ROBO2: variants seen among roughly 807,000 people sequenced by gnomAD.
ROBO2 encodes roundabout homolog 2.
In ROBO2, 53 loss-of-function variants were observed where a neutral mutation model predicts 160.8. That is an observed-to-expected ratio of 0.33 (90% CI 0.26 to 0.41). The LOEUF (loss-of-function observed/expected upper bound fraction) is 0.41. Ranked by LOEUF, ROBO2 falls within the 10% of genes least tolerant of loss-of-function variation. ROBO2 has a pLI of 1.00. For synonymous variants in ROBO2, 664 were observed against 611.7 expected, an observed-to-expected ratio of 1.09 and a Z score of -1.26; for missense variants, 1,577 against 1,722.4, an observed-to-expected ratio of 0.92 and a Z score of 1.49.
chr3:77,637,771 T>C (rs1007137791), intron 24 of ROBO2, among the ~76,000 whole-genome samples: 2 of 152,180 alleles, frequency 1.3e-5, no homozygotes, highest in African/African-American at 2.4e-5. Context: ...ATTCAGAATA[T>C]GTGGAAGATA....
At chr3:76,245,300 T>C (rs892550475) in intron 2 of ROBO2, among the ~76,000 whole-genome samples, 2 of 152,202 alleles carry the variant, frequency 1.3e-5, no homozygotes, top group African/African-American at 4.8e-5. Context: ...CCAATACCTA[T>C]TTTAGTCACT....
chr3:76,852,405 A>G (rs2069500885), intron 2 of ROBO2, among the ~76,000 whole-genome samples: 1 of 152,308 alleles, frequency 6.6e-6, no homozygotes, highest in African/African-American at 2.4e-5. Flanking sequence ...CCTTTTAATA[A>G]CAGAGGCTCT....
chr3:77,123,232 C>T (rs1354029075), intron 2 of ROBO2, among the ~76,000 whole-genome samples: 2 of 151,964 alleles, frequency 1.3e-5, no homozygotes, highest in Non-Finnish European at 2.9e-5. Flanking sequence ...TAGTTCTATG[C>T]CATATTATAC....
At chr3:76,294,589 T>G (rs1162271237) in intron 2 of ROBO2, among the ~76,000 whole-genome samples, 1 of 152,188 alleles carries the variant, frequency 6.6e-6, no homozygotes, top group African/African-American at 2.4e-5. Context: ...GCCAATATAT[T>G]CCAAGTGCTG....
chr3:76,037,358 A>G (rs1430309540), intron 2 of ROBO2, among the ~76,000 whole-genome samples: 1 of 150,972 alleles, frequency 6.6e-6, no homozygotes, highest in Non-Finnish European at 1.5e-5. Context: ...CCTGGCTTCA[A>G]GCGATTCTGC....
chr3:76,227,524 T>C (rs1704362810), intron 2 of ROBO2, among the ~76,000 whole-genome samples: 1 of 152,238 alleles, frequency 6.6e-6, no homozygotes. Flanking sequence ...TCTGTGATGA[T>C]GCTTAGCATC....
chr3:76,616,401 C>T (rs2088587449), intron 2 of ROBO2, among the ~76,000 whole-genome samples: 1 of 152,156 alleles, frequency 6.6e-6, no homozygotes, highest in African/African-American at 2.4e-5. Context: ...TCAGTTCTGT[C>T]CAACAGGTAG....
At chr3:77,532,425 C>T (rs1036531774) in intron 6 of ROBO2, among the ~76,000 whole-genome samples, 4 of 151,956 alleles carry the variant, frequency 2.6e-5, no homozygotes, top group South Asian at 2.1e-4. Context: ...ATTTCTAGGA[C>T]GCAACAAGCC....
intron 2 of ROBO2, among the ~76,000 whole-genome samples, chr3:76,970,532 G>A (rs949521374): frequency 2.4e-4 from 37 of 152,062 alleles, no homozygotes; most frequent in African/African-American, 8.0e-4. Context: ...AGCATTTGCC[G>A]GCTTCCATTT....
intron 2 of ROBO2, among the ~76,000 whole-genome samples, chr3:77,006,305 TTGTGTGTGTGTGTGTGTGTG>T (rs60754546): frequency 2.1e-5 from 3 of 143,876 alleles, no homozygotes; most frequent in Admixed American, 7.0e-5. Context: ...ATTTTAATAT[TTGTGTGTGTGTGTGTGTGTG>T]TGTGTGTGTG....
intron 2 of ROBO2, among the ~76,000 whole-genome samples, chr3:76,585,105 G>A (rs1302764172): frequency 1.3e-5 from 2 of 152,150 alleles, no homozygotes; most frequent in African/African-American, 2.4e-5. Flanking sequence ...TGCCTATTAT[G>A]TGCCAGGCGT....
intron 2 of ROBO2, among the ~76,000 whole-genome samples, chr3:76,273,076 TATA>T (rs1462558782): frequency 4.9e-5 from 5 of 101,458 alleles, no homozygotes; most frequent in Non-Finnish European, 7.4e-5. Context: ...TATATATAAA[TATA>T]ATATATATAA....
At chr3:76,067,024 G>T (rs890564745) in intron 2 of ROBO2, among the ~76,000 whole-genome samples, 1 of 152,004 alleles carries the variant, frequency 6.6e-6, no homozygotes, top group Non-Finnish European at 1.5e-5. Flanking sequence ...GGACAAATAC[G>T]AGTCTCCAGC....
chr3:76,491,366 C>T (rs2079815956), intron 2 of ROBO2, among the ~76,000 whole-genome samples: 1 of 152,138 alleles, frequency 6.6e-6, no homozygotes, highest in South Asian at 2.1e-4. Context: ...TTAATACTTG[C>T]ATGCACATAC....
chr3:76,140,257 C>A (rs2106748698), intron 2 of ROBO2, among the ~76,000 whole-genome samples: 1 of 152,060 alleles, frequency 6.6e-6, no homozygotes, highest in African/African-American at 2.4e-5. Flanking sequence ...AACCTGATTT[C>A]ATTTTTATAT....
chr3:76,218,265 C>A (rs1289061740), intron 2 of ROBO2, among the ~76,000 whole-genome samples: 1 of 152,148 alleles, frequency 6.6e-6, no homozygotes, highest in Non-Finnish European at 1.5e-5. Context: ...GACAGGGATG[C>A]CCTCTCTCAC....
intron 13 of ROBO2, among the ~76,000 whole-genome samples, chr3:77,572,461 T>G (rs1052373036): frequency 2.0e-5 from 3 of 151,942 alleles, no homozygotes; most frequent in Non-Finnish European, 4.4e-5. Context: ...GAATGAGGAC[T>G]TGCCGATCAC....
At chr3:77,037,943 C>T (rs535104599), upstream of ROBO2, among the ~76,000 whole-genome samples, 2 of 152,058 alleles carry the variant, frequency 1.3e-5, no homozygotes, top group African/African-American at 2.4e-5. Flanking sequence ...GAAATTTGCC[C>T]GAGATAAGCT....
At chr3:77,473,295 T>G (rs986199054) in intron 2 of ROBO2, among the ~76,000 whole-genome samples, 35 of 151,808 alleles carry the variant, frequency 2.3e-4, no homozygotes, top group Middle Eastern at 6.8e-3. Flanking sequence ...AAAAAAATAA[T>G]AATAAGAAGA....
Sources: allele counts gnomAD v4.1 joint callset (sites outside exome capture counted in the v4.1 genomes callset), GRCh38; gene constraint gnomAD v4.1.1; transcripts MANE v1.5; gene names NCBI Gene and HGNC (gene_info 2026-07-23, HGNC 2026-07-21).